CHD5: variants seen among roughly 807,000 people sequenced by gnomAD.
The protein encoded by CHD5 is chromodomain helicase DNA binding protein 5, also known as ATP-dependent chromatin remodeler CHD5.
Under a neutral mutation model 230.3 loss-of-function variants are expected in CHD5, and 69 were observed. That is an observed-to-expected ratio of 0.30 (90% CI 0.25 to 0.37). The LOEUF is 0.37. Ranked by LOEUF, CHD5 falls within the 10% of genes least tolerant of loss-of-function variation. The probability of loss-of-function intolerance (pLI) is 1.00; values close to 1 mark genes in which losing one functional copy is unlikely to be tolerated. For missense variants in CHD5, 1,827 were observed against 2,622.8 expected (o/e 0.70, Z 6.63); for synonymous variants, 1,064 against 1,065.9 (o/e 1.00, Z 0.03).
At chr1:6,162,491 G>A (rs1667193401) in intron 2 of CHD5, among the ~76,000 whole-genome samples, 1 of 152,174 alleles carries the variant, frequency 6.6e-6, no homozygotes. Flanking sequence ...AGGGTGGAGG[G>A]GAGGGATGGG....
At chr1:6,158,118 C>G (rs948926326) in intron 3 of CHD5, among the ~76,000 whole-genome samples, 16 of 152,230 alleles carry the variant, frequency 1.1e-4, no homozygotes, top group African/African-American at 3.9e-4. Flanking sequence ...CACTGTCACT[C>G]ACCCACTGCC....
At position 6,168,268 on chromosome 1, in the gene CHD5, T is replaced by C. The variant is rs1667285753; in HGVS notation, c.89A>G (p.Asp30Gly). 7 of 1,594,062 alleles carry C rather than the reference T, an allele frequency of 4.4e-6. No individual in the cohort carries two copies. Among genetic ancestry groups the C allele is most frequent in the Non-Finnish European group, 5.1e-6 (6 of 1,165,124 alleles). ...ENEDEMSEEE[D>G]GGLEAFDDFF... ...GTCATCGAAGGCTTCAAGACCACCA[T>C]CTTCTTCTTCTGGAAAAATCAGAAG... Residue 30 changes from aspartate (D) to glycine (G), a missense_variant, in exon 2 of 42, where the codon GAT becomes GGT. Coordinates refer to ENST00000262450, the MANE Select transcript of CHD5 (RefSeq NM_015557.3).
chr1:6,106,160 G>A, intron 41 of CHD5, 74 bp downstream of exon 41: 1 of 1,385,070 alleles, frequency 7.2e-7, no homozygotes, highest in Non-Finnish European at 1.0e-6. Context: ...TGCAGGGGCA[G>A]GGCTGACTGT....
chr1:6,162,503 C>T (rs1445814776), intron 2 of CHD5, among the ~76,000 whole-genome samples: 2 of 152,086 alleles, frequency 1.3e-5, no homozygotes, highest in African/African-American at 4.8e-5. Flanking sequence ...AGGGATGGGA[C>T]GTGCACCCAG....
Position 6,129,134 on chromosome 1 carries a change from A to T in CHD5, c.3388-65T>A. ...GGCTCCAGGCAATGGAGGAGATCAC[A>T]CCCATGAGCTCAAGAGCATGGAATG... On this transcript the variant is annotated intron_variant, in intron 22 of 41. Transcript: ENST00000262450. This position sits in a 1 kb window ranked among gnomAD's most constrained non-coding sequence, Gnocchi z 6.8. 8.9e-7 allele frequency: 1 copy of T among 1,120,294 alleles called. No homozygotes were observed. 69.4% of individuals were successfully genotyped at this position (1,120,294 alleles called of 1,614,324 possible).
Position 6,155,759 on chromosome 1 carries a change from T to C in CHD5, c.388-42A>G. On this transcript the variant is annotated intron_variant, in intron 3 of 41. Coordinates refer to ENST00000262450, the MANE Select transcript of CHD5 (RefSeq NM_015557.3). This position sits in a 1 kb window ranked among gnomAD's most constrained non-coding sequence, Gnocchi z 4.0. ...CAGAGGTAGAGTTGTTGAGGGGCCT[T>C]CTGACCTGCACCCCCATCCCCAGGG... 6.7e-7 allele frequency: 1 copy of C among 1,484,914 alleles called. No individual in the cohort carries two copies. Among genetic ancestry groups the C allele is most frequent in the East Asian group, 2.3e-5 (1 of 44,242 alleles). 92.0% of individuals were successfully genotyped at this position (1,484,914 alleles called of 1,614,324 possible). A position where few individuals can be genotyped will look rare whatever the true frequency, so the allele number is the denominator to read the frequency against.
At chr1:6,165,746 G>A (rs1167346589) in intron 2 of CHD5, among the ~76,000 whole-genome samples, 5 of 152,110 alleles carry the variant, frequency 3.3e-5, no homozygotes, top group Non-Finnish European at 5.9e-5. Context: ...GAGGAGGGCG[G>A]GGCTGCAGCA....
chr1:6,136,179 G>A (rs1007377135), intron 17 of CHD5, among the ~76,000 whole-genome samples: 3 of 152,104 alleles, frequency 2.0e-5, no homozygotes, highest in Non-Finnish European at 2.9e-5. Flanking sequence ...CCTCCACCAC[G>A]GTTGCCTATG....
chr1:6,150,347 CAGAT>C lies in CHD5; in HGVS notation c.994+681_994+684del, dbSNP rs577794181. On this transcript the variant is annotated intron_variant, in intron 7 of 41. Transcript: ENST00000262450. ...TGGATGGGATGGATGAATGGATGGA[CAGAT>C]GGATGGATGGACAAAAGGATGGATG... Among the ~76,000 whole-genome samples, 521 of 103,410 alleles carry C rather than the reference CAGAT, an allele frequency of 5.0e-3. 1 individual carries two copies. The highest frequency in any genetic ancestry group is 0.018 in the African/African-American group (464 of 25,760). 67.8% of individuals were successfully genotyped at this position (103,410 alleles called of 152,430 possible). A position where few individuals can be genotyped will look rare whatever the true frequency, so the allele number is the denominator to read the frequency against.
In CHD5 at chr1:6,125,527, G is replaced by C. The variant is rs371488822; in HGVS notation, c.4257C>G (p.Ile1419Met). 1.3e-6 allele frequency: 2 copies of C among 1,581,894 alleles called. No homozygotes were observed. The highest frequency in any genetic ancestry group is 8.6e-7 in the Non-Finnish European group (1 of 1,162,518). ...TGCGGGAACAGACAGGCCCCACCTC[G>C]ATGTTGCCACCAACTCGGGCGAGAA... ...PPLLARVGGNIEVLGFNARQR... is the reference protein window; with the variant it reads ...PPLLARVGGNMEVLGFNARQR... Residue 1419 changes from isoleucine to methionine, a missense_variant, in exon 28 of 42, where the codon ATC (isoleucine) becomes ATG (methionine). Ile to Met is a conservative substitution (Grantham distance 10). Transcript: ENST00000262450. This position sits in a 1 kb window ranked among gnomAD's most constrained non-coding sequence, Gnocchi z 6.7.
rs575416987 is a variant in CHD5 at position 6,156,181 on chromosome 1, C to T, written c.388-464G>A. Among the ~76,000 whole-genome samples the T allele has an allele frequency of 5.9e-5, 9 of 152,314 alleles. No individual in the cohort carries two copies. In the East Asian group the frequency reaches 1.7e-3, roughly 29 times the overall value. On this transcript the variant is annotated intron_variant, in intron 3 of 41. Coordinates refer to ENST00000262450, the MANE Select transcript of CHD5 (RefSeq NM_015557.3). The stretch of plus-strand genomic sequence containing the variant: ...GCAGGACAGCACAGTGGCCTGAAGA[C>T]GGGAAGATGTCCCTGATGAGGCCGC...
In CHD5 at chr1:6,125,317, G is replaced by T; in HGVS notation, c.4261-84C>A. On this transcript the variant is annotated intron_variant, in intron 28 of 41. Transcript: ENST00000262450. The surrounding 1 kb of genome is among the most constrained non-coding windows in gnomAD (Gnocchi z 6.7). ...TTCTGGGATGGGGGAAGAAAAGCAT[G>T]GGAGGAGGAGAAGGTAGGAAGGGGG... is the stretch of plus-strand genomic sequence containing the variant. 7.0e-7 allele frequency: 1 copy of T among 1,421,346 alleles called. No individual in the cohort carries two copies. Among genetic ancestry groups the T allele is most frequent in the Non-Finnish European group, 9.5e-7 (1 of 1,052,280 alleles). The allele number at this position is 1,421,346 out of a possible 1,614,324, so 88.0% of individuals were successfully genotyped here. A position where few individuals can be genotyped will look rare whatever the true frequency, so the allele number is the denominator to read the frequency against.
chr1:6,110,203 A>G (rs1357502653), intron 37 of CHD5, among the ~76,000 whole-genome samples, 191 bp downstream of exon 37: 1 of 152,158 alleles, frequency 6.6e-6, no homozygotes, highest in Non-Finnish European at 1.5e-5. Flanking sequence ...GGCGGCAGAT[A>G]CTTCCCAGTG....
chr1:6,170,492 T>C (rs910242893), intron 1 of CHD5, among the ~76,000 whole-genome samples: 1 of 152,274 alleles, frequency 6.6e-6, no homozygotes, highest in Non-Finnish European at 1.5e-5. Context: ...GGGGCCAATG[T>C]GCACCAGTGG....
chr1:6,124,222 T>C, intron 30 of CHD5, 115 bp from the exon 31 acceptor site: 1 of 1,061,016 alleles, frequency 9.4e-7, no homozygotes, highest in Non-Finnish European at 1.4e-6. Flanking sequence ...TTGGGGTAGC[T>C]GCTACCTCCG....
At chr1:6,161,127 G>T (rs557130437) in intron 2 of CHD5, among the ~76,000 whole-genome samples, 1 of 152,208 alleles carries the variant, frequency 6.6e-6, no homozygotes, top group African/African-American at 2.4e-5. Flanking sequence ...AAAGAGGGAG[G>T]GAGGGAGAAG....
In CHD5 at chr1:6,142,340, G is replaced by C. The variant is rs752532215; in HGVS notation, c.2236-12C>G. The stretch of plus-strand genomic sequence containing the variant: ...CCTTTGGAGTGGCCCTGGAGAGAGA[G>C]GCCGATGCCGTGAGACCACCTGCCC... On this transcript the variant is annotated splice_polypyrimidine_tract_variant and intron_variant, in intron 14 of 41. Coordinates refer to ENST00000262450, the MANE Select transcript of CHD5 (RefSeq NM_015557.3). The surrounding 1 kb of genome is among the most constrained non-coding windows in gnomAD (Gnocchi z 5.2). 3 of 1,598,762 alleles carry C rather than the reference G, an allele frequency of 1.9e-6. No homozygotes were observed. In the South Asian group the frequency reaches 3.3e-5, roughly 18 times the overall value.
chr1:6,159,187 A>T, intron 3 of CHD5, 149 bp downstream of exon 3: 1 of 1,390,164 alleles, frequency 7.2e-7, no homozygotes, highest in Non-Finnish European at 9.5e-7. Flanking sequence ...AGCCGAGGTC[A>T]CGCCACTGCA....
chr1:6,149,502 G>A, intron 7 of CHD5, 90 bp from the exon 8 acceptor site: 2 of 1,343,296 alleles, frequency 1.5e-6, no homozygotes, highest in Non-Finnish European at 2.0e-6. Context: ...CAGGCACAGA[G>A]TAGATGTCTA....
Sources: allele counts gnomAD v4.1 joint callset (sites outside exome capture counted in the v4.1 genomes callset), GRCh38; gene constraint gnomAD v4.1.1; non-coding constraint Gnocchi (gnomAD v3.1); transcripts MANE v1.5; gene names NCBI Gene and HGNC (gene_info 2026-07-23, HGNC 2026-07-21).